The following PCBD2 variants were observed in gnomAD, a reference collection of about 807,000 sequenced individuals.
PCBD2 encodes the protein pterin-4-alpha-carbinolamine dehydratase 2.
Under a neutral mutation model 16.4 loss-of-function variants are expected in PCBD2, and 12 were observed. The ratio of observed to expected loss-of-function variants is 0.73; its 90% CI spans 0.47 to 1.19. The LOEUF (loss-of-function observed/expected upper bound fraction) is 1.19. PCBD2 is among the 50% of genes most tolerant of loss of function. PCBD2 has a pLI of 0.00. For missense variants in PCBD2, 138 were observed against 156.8 expected (o/e 0.88, Z 0.64); for synonymous variants, 58 against 61.8 (o/e 0.94, Z 0.29).
chr5:134,934,606 A>G (rs928452205), intron 2 of PCBD2, among the ~76,000 whole-genome samples: 1 of 152,236 alleles, frequency 6.6e-6, no homozygotes, highest in African/African-American at 2.4e-5. Context: ...AAATACATCT[A>G]TGCCTCTTAA....
At chr5:134,909,655 CA>C (rs930846788) in intron 1 of PCBD2, among the ~76,000 whole-genome samples, 5 of 152,110 alleles carry the variant, frequency 3.3e-5, no homozygotes, top group African/African-American at 1.2e-4. Context: ...AGCAATAGAC[CA>C]GGAGTTTGGA....
At chr5:134,927,978 T>G (rs1751037939) in intron 2 of PCBD2, 2 of 396,484 alleles carry the variant, frequency 5.0e-6, no homozygotes, top group East Asian at 7.1e-5. Context: ...AATTATGTGT[T>G]TTTTGGAGAG....
intron 2 of PCBD2, among the ~76,000 whole-genome samples, chr5:134,947,969 C>T (rs1751317571): frequency 6.6e-6 from 1 of 152,118 alleles, no homozygotes. Flanking sequence ...AAGAAAACCT[C>T]CAACAGGACT....
At chr5:134,911,239 C>T (rs965916127) in intron 2 of PCBD2, among the ~76,000 whole-genome samples, 4 of 152,212 alleles carry the variant, frequency 2.6e-5, no homozygotes, top group Non-Finnish European at 4.4e-5. Context: ...ATCTCCCAGG[C>T]TGCACCCTTT....
At chr5:134,925,686 G>C (rs1426418116) in intron 2 of PCBD2, 1 of 396,974 alleles carries the variant, frequency 2.5e-6, no homozygotes, top group Admixed American at 4.4e-5. Flanking sequence ...GGATGAGTAG[G>C]AAGACTCCTG....
chr5:134,956,936 G>A (rs751516454), intron 2 of PCBD2, among the ~76,000 whole-genome samples: 38 of 152,284 alleles, frequency 2.5e-4, no homozygotes, highest in African/African-American at 8.7e-4. Flanking sequence ...GTAATCACAT[G>A]ACTTTTAAAA....
At chr5:134,921,415 G>A (rs1002945147) in intron 2 of PCBD2, among the ~76,000 whole-genome samples, 1 of 152,134 alleles carries the variant, frequency 6.6e-6, no homozygotes, top group African/African-American at 2.4e-5. Flanking sequence ...CTGGTATGTG[G>A]TTGTAAGGGA....
chr5:134,933,069 T>C (rs927456533), intron 2 of PCBD2, among the ~76,000 whole-genome samples: 8 of 152,216 alleles, frequency 5.3e-5, no homozygotes, highest in Non-Finnish European at 1.2e-4. Context: ...AAGAAAAATA[T>C]ACCTGTAATC....
rs1751477178 is a variant in PCBD2, at chr5:134,961,522, G to T, written c.*841G>T. 1.3e-5 allele frequency among the ~76,000 whole-genome samples: 2 copies of T among 152,068 alleles called. No homozygotes were observed. The highest frequency in any genetic ancestry group is 1.3e-4 in the Admixed American group (2 of 15,272). ...GATGGTCTCGATCTACTGACCTCGT[G>T]ATCCACCTGCCTCCACCTCCGAAAG... On this transcript the variant is annotated 3_prime_UTR_variant, in exon 4 of 4. Coordinates refer to ENST00000254908, the MANE Select transcript of PCBD2 (RefSeq NM_032151.5).
chr5:134,933,760 A>G lies in PCBD2; in HGVS notation c.216+23294A>G, dbSNP rs371941730. On this transcript the variant is annotated intron_variant, in intron 2 of 3. Transcript: ENST00000254908. ...AAATATACTCAGGATCTCCATGCCC[A>G]TTGAGATCAGGAATAGATCCAGTCA... Among the ~76,000 whole-genome samples, 68 of 152,302 alleles carry G rather than the reference A, an allele frequency of 4.5e-4. 1 individual carries two copies. Among genetic ancestry groups the G allele is most frequent in the African/African-American group, 1.6e-3 (67 of 41,548 alleles).
chr5:134,915,301 C>T lies in PCBD2; in HGVS notation c.216+4835C>T, dbSNP rs1024222830. 3.3e-4 allele frequency among the ~76,000 whole-genome samples: 50 copies of T among 151,882 alleles called. 1 individual carries two copies. The highest frequency in any genetic ancestry group is 4.4e-4 in the Non-Finnish European group (30 of 67,976). On this transcript the variant is annotated intron_variant, in intron 2 of 3. Transcript: ENST00000254908. The stretch of plus-strand genomic sequence containing the variant: ...TTTCACTCCAGCCTGGGTGACAAAG[C>T]GAGACTGTGTCTCAAAAAAAGAAAA...
chr5:134,905,697 ACTTTT>A (rs1238387828), intron 1 of PCBD2: 1 of 154,284 alleles, frequency 6.5e-6, no homozygotes, highest in Non-Finnish European at 1.4e-5. Flanking sequence ...TGACATATTG[ACTTTT>A]CTTTCCTTTT....
At chr5:134,939,379 G>C (rs1260888580) in intron 2 of PCBD2, among the ~76,000 whole-genome samples, 16 of 148,136 alleles carry the variant, frequency 1.1e-4, no homozygotes, top group Non-Finnish European at 7.5e-5. Context: ...TTAGAAGTTT[G>C]TATTTATAAC....
rs139313974 is a variant in PCBD2 at position 134,962,465 on chromosome 5, C to T, written c.*1784C>T. On this transcript the variant is annotated 3_prime_UTR_variant, in exon 4 of 4. Transcript: ENST00000254908. ...ATGGAGTCTCACTATGTTGCCCAGG[C>T]TGGTCTTGAATGCCTGGGCTCAAAT... 8.8e-4 allele frequency among the ~76,000 whole-genome samples: 134 copies of T among 152,048 alleles called. No homozygotes were observed. Among genetic ancestry groups the T allele is most frequent in the African/African-American group, 2.8e-3 (118 of 41,476 alleles).
At chr5:134,911,782 G>T (rs1750771621) in intron 2 of PCBD2, among the ~76,000 whole-genome samples, 1 of 152,182 alleles carries the variant, frequency 6.6e-6, no homozygotes, top group Non-Finnish European at 1.5e-5. Context: ...CAACTCCTAA[G>T]GAAACCTGGA....
chr5:134,938,146 G>T (rs1751183540), intron 2 of PCBD2, among the ~76,000 whole-genome samples: 1 of 152,230 alleles, frequency 6.6e-6, no homozygotes, highest in Admixed American at 6.5e-5. Flanking sequence ...AGCCTTGTGA[G>T]TGTGGGGCTT....
chr5:134,916,284 T>C (rs1750832372), intron 2 of PCBD2, among the ~76,000 whole-genome samples: 1 of 152,028 alleles, frequency 6.6e-6, no homozygotes, highest in Admixed American at 6.5e-5. Context: ...TGTGAGACTA[T>C]CTCAAAAAAA....
intron 2 of PCBD2, among the ~76,000 whole-genome samples, chr5:134,936,986 A>G (rs1347911101): frequency 6.6e-6 from 1 of 152,188 alleles, no homozygotes; most frequent in Non-Finnish European, 1.5e-5. Flanking sequence ...AAACCAAATG[A>G]GCCAATTTTA....
Position 134,925,328 on chromosome 5 carries a change from G to C in PCBD2, c.216+14862G>C, listed in dbSNP as rs559379238. ...AGGAAGGGTATTCCTGCCAATGCTA[G>C]GTTGCCAATGGTGAGGGAGGTTGAA... On this transcript the variant is annotated intron_variant, in intron 2 of 3. Transcript: ENST00000254908. The C allele has an allele frequency of 7.5e-6, 3 of 398,416 alleles. No individual in the cohort carries two copies. In the East Asian group the frequency reaches 1.1e-4, roughly 14 times the overall value. 24.7% of individuals were successfully genotyped at this position (398,416 alleles called of 1,614,324 possible). A position where few individuals can be genotyped will look rare whatever the true frequency, so the allele number is the denominator to read the frequency against.
Sources: gnomAD v4.1 joint callset for allele counts (sites outside exome capture counted in the v4.1 genomes callset) on GRCh38, gnomAD v4.1.1 for gene constraint, MANE v1.5 for transcripts, NCBI Gene and HGNC (gene_info 2026-07-23, HGNC 2026-07-21) for gene names.